Variants in SVEP1 observed in about 807,000 individuals in gnomAD.
The protein encoded by SVEP1 is sushi, von Willebrand factor type A, EGF and pentraxin domain containing 1.
SVEP1 carries 164 observed loss-of-function variants against 367.3 expected under a neutral mutation model. The ratio of observed to expected loss-of-function variants is 0.45; its 90% CI spans 0.39 to 0.51. SVEP1 has a LOEUF of 0.51. Among genes scored for constraint, SVEP1 ranks in the 20% least tolerant of loss-of-function variants. The pLI is 0.00. For synonymous variants in SVEP1, 1,666 were observed against 1,611.6 expected, an observed-to-expected ratio of 1.03 and a Z score of -0.81; for missense variants, 4,117 against 4,425.3, an observed-to-expected ratio of 0.93 and a Z score of 1.98.
intron 40 of SVEP1, among the ~76,000 whole-genome samples, chr9:110,389,950 TAC>T (rs1458802830): frequency 9.3e-5 from 14 of 150,892 alleles, no homozygotes; most frequent in African/African-American, 3.2e-4. Context: ...TATATGTATA[TAC>T]ACACACATAC....
At chr9:110,489,397 G>T (rs1412701537) in intron 9 of SVEP1, among the ~76,000 whole-genome samples, 1 of 152,104 alleles carries the variant, frequency 6.6e-6, no homozygotes, top group Non-Finnish European at 1.5e-5. Flanking sequence ...TCACAATCAC[G>T]GCAGAAAGCA....
chr9:110,443,285 C>T (rs371075300), intron 27 of SVEP1: 3 of 363,276 alleles, frequency 8.3e-6, no homozygotes, highest in Non-Finnish European at 1.5e-5. Context: ...GTTTAGCAAC[C>T]AGCTGCTAAT....
intron 36 of SVEP1, among the ~76,000 whole-genome samples, chr9:110,413,427 A>T (rs1443603058): frequency 1.4e-5 from 2 of 148,096 alleles, no homozygotes; most frequent in Non-Finnish European, 3.0e-5. Context: ...GCTTTGGGAG[A>T]TATACCTAAT....
At chr9:110,543,811 T>G (rs1830184170) in intron 3 of SVEP1, among the ~76,000 whole-genome samples, 1 of 151,604 alleles carries the variant, frequency 6.6e-6, no homozygotes, top group Non-Finnish European at 1.5e-5. Flanking sequence ...GGAATAGGGG[T>G]TGGAGAGAGT....
At chr9:110,456,857 G>C (rs1214957909) in intron 21 of SVEP1, among the ~76,000 whole-genome samples, 1 of 152,160 alleles carries the variant, frequency 6.6e-6, no homozygotes. Flanking sequence ...CTATTCATAA[G>C]AACTTCTATT....
rs1828365990 is a variant in SVEP1, at chr9:110,432,525, C to T, written c.5170G>A (p.Gly1724Ser). Residue 1724 changes from glycine to serine, a missense_variant, in exon 31 of 48, where the codon GGT becomes AGT. By Grantham distance (56) the Gly-to-Ser change is moderately conservative (BLOSUM62 0). Around this residue, in one of 4 missense-constraint regions of SVEP1, gnomAD observed 2,174 missense variants for 2,494.3 expected, o/e 0.87. Coordinates refer to ENST00000374469, the MANE Select transcript of SVEP1 (RefSeq NM_153366.4). ...YQCNNGYYLL[G>S]DSRMFCTDNG... ...TCTGTACAGAACATCCTTGAGTCAC[C>T]CAATAGATAGTAGCCATTGTTGCAC... 1 of 1,613,856 alleles carries T rather than the reference C, an allele frequency of 6.2e-7. No homozygotes were observed. The highest frequency in any genetic ancestry group is 8.5e-7 in the Non-Finnish European group (1 of 1,179,802).
intron 24 of SVEP1, 113 bp from the exon 25 acceptor site, chr9:110,447,170 C>T: frequency 3.0e-6 from 3 of 1,009,090 alleles, no homozygotes; most frequent in Non-Finnish European, 2.6e-6. Flanking sequence ...ACATTTTCTA[C>T]ACCAAAACAG....
intron 40 of SVEP1, among the ~76,000 whole-genome samples, chr9:110,394,687 G>C (rs7855687): frequency 2.6e-5 from 4 of 152,038 alleles, no homozygotes; most frequent in African/African-American, 9.7e-5. Flanking sequence ...ACCAAGGCAC[G>C]AGAACTACGT....
chr9:110,478,622 T>C (rs1333485792), intron 13 of SVEP1, among the ~76,000 whole-genome samples: 1 of 152,210 alleles, frequency 6.6e-6, no homozygotes, highest in Non-Finnish European at 1.5e-5. Context: ...AGAGGCCTAA[T>C]GGGCGCAATA....
chr9:110,512,756 CAATTGAACTTGGT>C (rs375481395), intron 5 of SVEP1, 157 bp downstream of exon 5: 9 of 787,670 alleles, frequency 1.1e-5, no homozygotes, highest in African/African-American at 1.0e-4. Context: ...ATTATGTGGT[CAATTGAACTTGGT>C]AATTCTGATT....
At chr9:110,475,160 T>C (rs542437801) in intron 14 of SVEP1, among the ~76,000 whole-genome samples, 4 of 152,260 alleles carry the variant, frequency 2.6e-5, no homozygotes, top group African/African-American at 9.6e-5. Flanking sequence ...ACAAATGATA[T>C]TTAAAAAAAT....
chr9:110,555,474 T>C (rs1004864273), intron 1 of SVEP1, among the ~76,000 whole-genome samples: 1 of 152,186 alleles, frequency 6.6e-6, no homozygotes. Flanking sequence ...TGCGCCTTTA[T>C]TGTCCTTCTG....
intron 3 of SVEP1, among the ~76,000 whole-genome samples, chr9:110,528,159 T>TATATATATATAC (rs1829969394): frequency 1.0e-5 from 1 of 98,302 alleles, no homozygotes; most frequent in African/African-American, 3.4e-5. Context: ...TGTGTGTGTA[T>TATATATATATAC]ATATATATAT....
chr9:110,567,814 T>C (rs1830509664), intron 1 of SVEP1, among the ~76,000 whole-genome samples: 1 of 152,274 alleles, frequency 6.6e-6, no homozygotes, highest in East Asian at 1.9e-4. Context: ...CCAGACTTCC[T>C]AGACATCCCC....
chr9:110,375,488 A>AAAAAAAAAC, intron 45 of SVEP1, 25 bp from the exon 46 acceptor site: 2 of 1,387,122 alleles, frequency 1.4e-6, no homozygotes, highest in Non-Finnish European at 9.8e-7. Flanking sequence ...AAAAAAAAAA[A>AAAAAAAAAC]AAGGAGGCAG....
chr9:110,472,452 C>T, intron 14 of SVEP1, 129 bp from the exon 15 acceptor site: 5 of 832,446 alleles, frequency 6.0e-6, no homozygotes, highest in Non-Finnish European at 7.0e-6. Flanking sequence ...ATACTGCATA[C>T]AGGGTTTGGT....
chr9:110,413,748 GAAT>G (rs1272343518), intron 36 of SVEP1, among the ~76,000 whole-genome samples: 1 of 151,862 alleles, frequency 6.6e-6, no homozygotes, highest in Non-Finnish European at 1.5e-5. Flanking sequence ...TACAGTATTA[GAAT>G]AATTATATTT....
chr9:110,366,047 AC>A lies in SVEP1; in HGVS notation c.*491del, dbSNP rs1827193735. 1 of 152,738 alleles carries A rather than the reference AC, an allele frequency of 6.5e-6. No homozygotes were observed. Among genetic ancestry groups the A allele is most frequent in the Non-Finnish European group, 1.5e-5 (1 of 68,370 alleles). 9.5% of individuals were successfully genotyped at this position (152,738 alleles called of 1,614,324 possible). ...TTACACATATTGTATAGAAGATGGA[AC>A]CAGAACAAAGGGGTCTCCTTTATTG... On this transcript the variant is annotated 3_prime_UTR_variant, in exon 48 of 48. Coordinates refer to ENST00000374469, the MANE Select transcript of SVEP1 (RefSeq NM_153366.4).
chr9:110,489,550 A>C (rs947168486), intron 9 of SVEP1, 100 bp downstream of exon 9: 1 of 1,176,974 alleles, frequency 8.5e-7, no homozygotes, highest in Non-Finnish European at 1.2e-6. Flanking sequence ...CTATGATTCA[A>C]TTACCTCCCA....
Sources: gnomAD v4.1 joint callset for allele counts (sites outside exome capture counted in the v4.1 genomes callset) on GRCh38, gnomAD v4.1.1 for gene constraint, gnomAD v4.1.1 regional missense constraint, MANE v1.5 for transcripts, NCBI Gene and HGNC (gene_info 2026-07-23, HGNC 2026-07-21) for gene names.